Variants in CFD observed in about 807,000 individuals in gnomAD.
CFD encodes the protein C3 convertase activator.
In CFD, 24 loss-of-function variants were observed where a neutral mutation model predicts 21.1. The observed-to-expected ratio is 1.14, with a 90% CI of 0.82 to 1.60. CFD has a LOEUF of 1.60. Among genes scored for constraint, CFD ranks in the 40% most tolerant of loss-of-function variants. The pLI is 0.00. For missense variants in CFD, 535 were observed against 383.3 expected, an observed-to-expected ratio of 1.40 and a Z score of -3.31; for synonymous variants, 242 against 175.9, an observed-to-expected ratio of 1.38 and a Z score of -2.97.
chr19:861,461 C>T (rs1599301330), intron 3 of CFD, among the ~76,000 whole-genome samples: 1 of 142,488 alleles, frequency 7.0e-6, no homozygotes, highest in African/African-American at 2.6e-5. Flanking sequence ...CCCCGCTCCC[C>T]CTGCATCCCC....
At chr19:862,105 T>A in intron 4 of CFD, 149 bp downstream of exon 4, 1 of 811,268 alleles carries the variant, frequency 1.2e-6, no homozygotes, top group Non-Finnish European at 1.4e-6. Context: ...GGGCGGAGCA[T>A]GAGGGTGGCC....
At position 863,532 on chromosome 19, in the gene CFD, G is replaced by A; in HGVS notation, c.*294G>A. On this transcript the variant is annotated 3_prime_UTR_variant, in exon 5 of 5. Transcript: ENST00000327726. ...TGGGAGGATGACTTGAACGCAGGAG[G>A]CTGAGGCTGCAGTGAGTTGTGATTG... 1 of 473,878 alleles carries A rather than the reference G, an allele frequency of 2.1e-6. No homozygotes were observed. Among genetic ancestry groups the A allele is most frequent in the Non-Finnish European group, 3.9e-6 (1 of 257,438 alleles). 29.4% of individuals were successfully genotyped at this position (473,878 alleles called of 1,614,324 possible). A position where few individuals can be genotyped will look rare whatever the true frequency, so the allele number is the denominator to read the frequency against.
chr19:861,581 G>T (rs1433974622), intron 3 of CFD, 118 bp from the exon 4 acceptor site: 2 of 1,254,494 alleles, frequency 1.6e-6, no homozygotes, highest in Middle Eastern at 2.6e-4. Flanking sequence ...CTGCTGCACT[G>T]AGACCCACGC....
Position 860,732 on chromosome 19 carries a change from G to C in CFD, c.171G>C (p.Ala57=). The C allele has an allele frequency of 6.4e-7, 1 of 1,567,006 alleles. No individual in the cohort carries two copies. The highest frequency in any genetic ancestry group is 1.4e-5 in the African/African-American group (1 of 73,908). Residue 57 remains alanine (A), a synonymous_variant, in exon 2 of 5, where the codon GCG becomes GCC. Coordinates refer to ENST00000327726, the MANE Select transcript of CFD (RefSeq NM_001928.4). ...GAHLCGGVLV[A]EQWVLSAAHC... ...ACCTGTGCGGCGGCGTCCTGGTGGCGGAGCAGTGGGTGCTGAGCGCGGCGC... is the reference window on the plus strand; with the variant it reads ...ACCTGTGCGGCGGCGTCCTGGTGGCCGAGCAGTGGGTGCTGAGCGCGGCGC...
Position 860,880 on chromosome 19 carries a change from G to C in CFD, c.232G>C (p.Val78Leu). 6 of 1,581,290 alleles carry C rather than the reference G, an allele frequency of 3.8e-6. No individual in the cohort carries two copies. The highest frequency in any genetic ancestry group is 5.1e-6 in the Non-Finnish European group (6 of 1,169,622). Reference sequence around the variant, plus strand: ...CCCCAGGGCCGACGGGAAGGTGCAGGTTCTCCTGGGCGCGCACTCCCTGTC... The same window carrying C: ...CCCCAGGGCCGACGGGAAGGTGCAGCTTCTCCTGGGCGCGCACTCCCTGTC... ...LEDAADGKVQVLLGAHSLSQP... is the reference protein window; with the variant it reads ...LEDAADGKVQLLLGAHSLSQP... Residue 78 changes from valine to leucine, a missense_variant, in exon 3 of 5, where the codon GTT becomes CTT. Val to Leu is a conservative substitution (Grantham distance 32). Transcript: ENST00000327726.
In CFD at chr19:862,979, G is replaced by C. The variant is rs2035827959; in HGVS notation, c.616-113G>C. On this transcript the variant is annotated intron_variant, in intron 4 of 4. Transcript: ENST00000327726. ...TGACTAGTGAAGACCAAATTAACAC[G>C]GGAGGGATGAGCGAGCATTGTGGGG... 3.7e-6 allele frequency: 4 copies of C among 1,090,748 alleles called. No individual in the cohort carries two copies. In the South Asian group the frequency reaches 4.8e-5, roughly 13 times the overall value. The allele number at this position is 1,090,748 out of a possible 1,614,324, so 67.6% of individuals were successfully genotyped here.
chr19:861,930 G>A lies in CFD; in HGVS notation c.589G>A (p.Glu197Lys). The A allele has an allele frequency of 1.9e-6, 3 of 1,560,516 alleles. No homozygotes were observed. The highest frequency in any genetic ancestry group is 2.6e-6 in the Non-Finnish European group (3 of 1,160,382). ...CATCACCGAGCGCTTGATGTGCGCG[G>A]AGAGCAATCGCCGGGACAGCTGCAA... ...GAITERLMCA[E>K]SNRRDSCKGD... is the part of the protein sequence containing the mutation. Residue 197 changes from glutamate (E) to lysine (K), a missense_variant, in exon 4 of 5, where the codon GAG (glutamate) becomes AAG (lysine). Coordinates refer to ENST00000327726, the MANE Select transcript of CFD (RefSeq NM_001928.4).
intron 4 of CFD, 132 bp from the exon 5 acceptor site, chr19:862,960 G>A: frequency 1.1e-6 from 1 of 946,890 alleles, no homozygotes; most frequent in South Asian, 1.7e-5. Context: ...CTATTGACTA[G>A]TGAAGACCAA....
Position 863,382 on chromosome 19 carries a change from G to A in CFD, c.*144G>A, listed in dbSNP as rs2035839377. Reference sequence around the variant, plus strand: ...GAGGTGGGAGGATCATTGGATCTCAGGAGTTCGAGATCAGCATGGGCCACG... The same window carrying A: ...GAGGTGGGAGGATCATTGGATCTCAAGAGTTCGAGATCAGCATGGGCCACG... On this transcript the variant is annotated 3_prime_UTR_variant, in exon 5 of 5. Coordinates refer to ENST00000327726, the MANE Select transcript of CFD (RefSeq NM_001928.4). The A allele has an allele frequency of 4.0e-6, 4 of 989,086 alleles. No homozygotes were observed. The highest frequency in any genetic ancestry group is 2.8e-5 in the South Asian group (2 of 71,376). The allele number at this position is 989,086 out of a possible 1,614,324, so 61.3% of individuals were successfully genotyped here.
intron 4 of CFD, 90 bp downstream of exon 4, chr19:862,046 C>T (rs2035805317): frequency 6.8e-7 from 1 of 1,471,840 alleles, no homozygotes; most frequent in Non-Finnish European, 8.9e-7. Flanking sequence ...CAAGTAGGAA[C>T]AGGGCCCAGG....
At position 863,255 on chromosome 19, in the gene CFD, G is replaced by A; in HGVS notation, c.*17G>A. The A allele has an allele frequency of 1.9e-6, 3 of 1,547,170 alleles. No homozygotes were observed. The highest frequency in any genetic ancestry group is 2.4e-5 in the South Asian group (2 of 84,692). ...CTGGCCTAGGGTGCCGGGGCCTGAA[G>A]GTCAGGGTCACCCAAGCAACAAAGT... On this transcript the variant is annotated 3_prime_UTR_variant, in exon 5 of 5. Coordinates refer to ENST00000327726, the MANE Select transcript of CFD (RefSeq NM_001928.4).
At chr19:859,798 T>A in intron 1 of CFD, 54 bp downstream of exon 1, 2 of 1,387,672 alleles carry the variant, frequency 1.4e-6, no homozygotes, top group Non-Finnish European at 1.0e-6. Flanking sequence ...GGCGTGGTGC[T>A]CCCTTCCGTC....
intron 3 of CFD, among the ~76,000 whole-genome samples, chr19:861,476 C>G (rs1437592449): frequency 1.4e-5 from 2 of 144,488 alleles, no homozygotes; most frequent in East Asian, 4.1e-4. Flanking sequence ...ATCCCCATCC[C>G]GGTTCCAGCC....
chr19:861,864 G>A lies in CFD; in HGVS notation c.523G>A (p.Asp175Asn), dbSNP rs987291056. 1 of 1,596,024 alleles carries A rather than the reference G, an allele frequency of 6.3e-7. No homozygotes were observed. The highest frequency in any genetic ancestry group is 8.5e-7 in the Non-Finnish European group (1 of 1,177,062). ...GCAGCACGTGCTCTTGCCAGTGCTG[G>A]ACCGCGCCACCTGCAACCGGCGCAC... ...SLQHVLLPVL[D>N]RATCNRRTHH... Residue 175 changes from aspartate (D) to asparagine (N), a missense_variant, in exon 4 of 5, where the codon GAC (aspartate) becomes AAC (asparagine). Coordinates refer to ENST00000327726, the MANE Select transcript of CFD (RefSeq NM_001928.4).
rs1208945092 is a variant in CFD, at chr19:863,124, C to T, written c.648C>T (p.Gly216=). The part of the protein sequence containing the change: ...GDSGGPLVCG[G]VLEGVVTSGS... ...CCGGGGGCCCGCTGGTGTGCGGGGGCGTGCTCGAGGGCGTGGTCACCTCGG... is the reference window on the plus strand; with the variant it reads ...CCGGGGGCCCGCTGGTGTGCGGGGGTGTGCTCGAGGGCGTGGTCACCTCGG... The change falls in exon 5 of 5, where the codon GGC becomes GGT. Residue 216 remains glycine (G), a synonymous_variant. Coordinates refer to ENST00000327726, the MANE Select transcript of CFD (RefSeq NM_001928.4). 2 of 1,531,542 alleles carry T rather than the reference C, an allele frequency of 1.3e-6. No individual in the cohort carries two copies. The highest frequency in any genetic ancestry group is 1.7e-6 in the Non-Finnish European group (2 of 1,143,330). The allele number at this position is 1,531,542 out of a possible 1,614,324, so 94.9% of individuals were successfully genotyped here. A position where few individuals can be genotyped will look rare whatever the true frequency, so the allele number is the denominator to read the frequency against.
rs2035796746 is a variant in CFD at position 861,717 on chromosome 19, C to T, written c.376C>T (p.Leu126=). 6.2e-7 allele frequency: 1 copy of T among 1,603,576 alleles called. No individual in the cohort carries two copies. The part of the protein sequence containing the change: ...LLLQLSEKAT[L]GPAVRPLPWQ... ...CCCTCAGCTGTCGGAGAAGGCCACA[C>T]TGGGCCCTGCTGTGCGCCCCCTGCC... Residue 126 remains leucine, a synonymous_variant, in exon 4 of 5, where the codon CTG becomes TTG. Coordinates refer to ENST00000327726, the MANE Select transcript of CFD (RefSeq NM_001928.4).
rs1361636498 is a variant in CFD at position 860,134 on chromosome 19, A to C, written c.55+390A>C. Reference sequence around the variant, plus strand: ...CTGTACTCTGGGGCATTCCCGCCCGAGGGTATCTGAGTTTGCAACGCTGAG... The same window carrying C: ...CTGTACTCTGGGGCATTCCCGCCCGCGGGTATCTGAGTTTGCAACGCTGAG... On this transcript the variant is annotated intron_variant, in intron 1 of 4. Coordinates refer to ENST00000327726, the MANE Select transcript of CFD (RefSeq NM_001928.4). Among the ~76,000 whole-genome samples, 8 of 151,710 alleles carry C rather than the reference A, an allele frequency of 5.3e-5. No homozygotes were observed. The East Asian group carries it at 1.6e-3, about 30-fold the overall frequency.
rs141885392 is a variant in CFD at position 860,960 on chromosome 19, G to A, written c.312G>A (p.Pro104=). ...LYDVLRAVPH[P]DSQPDTIDHD... Reference sequence around the variant, plus strand: ...ACGTGCTCCGCGCAGTGCCCCACCCGGACAGCCAGCCCGACACCATCGACC... The same window carrying A: ...ACGTGCTCCGCGCAGTGCCCCACCCAGACAGCCAGCCCGACACCATCGACC... Residue 104 remains proline, a synonymous_variant, in exon 3 of 5, where the codon CCG becomes CCA. Transcript: ENST00000327726. 3.7e-5 allele frequency: 59 copies of A among 1,600,462 alleles called. 1 individual carries two copies. Among genetic ancestry groups the A allele is most frequent in the African/African-American group, 3.1e-4 (23 of 74,900 alleles).
Position 862,680 on chromosome 19 carries a change from G to A in CFD, c.616-412G>A, listed in dbSNP as rs543169976. ...GGGGCCAAGATTGGGTGGGGCTTAA[G>A]GGAGGGGCGTGGCCTGAGGTGAGTG... is the stretch of plus-strand genomic sequence containing the variant. On this transcript the variant is annotated intron_variant, in intron 4 of 4. Transcript: ENST00000327726. Among the ~76,000 whole-genome samples, 403 of 151,946 alleles carry A rather than the reference G, an allele frequency of 2.7e-3. 7 individuals are homozygous for A. The highest frequency in any genetic ancestry group is 9.1e-3 in the African/African-American group (376 of 41,358).
Sources: gnomAD v4.1 joint callset for allele counts (sites outside exome capture counted in the v4.1 genomes callset) on GRCh38, gnomAD v4.1.1 for gene constraint, MANE v1.5 for transcripts, NCBI Gene and HGNC (gene_info 2026-07-23, HGNC 2026-07-21) for gene names.